Variants in DGKI observed in about 807,000 individuals in gnomAD.
DGKI encodes diacylglycerol kinase iota.
A neutral mutation model predicts 147.5 loss-of-function variants in DGKI; 55 were observed. That is an observed-to-expected ratio of 0.37 (90% CI 0.30 to 0.47). The LOEUF (loss-of-function observed/expected upper bound fraction) is 0.47. DGKI is among the 20% of genes least tolerant of loss of function. DGKI has a pLI of 1.00. For synonymous variants in DGKI, 469 were observed against 477.1 expected (o/e 0.98, Z 0.22); for missense variants, 1,007 against 1,323.8 (o/e 0.76, Z 3.71).
At chr7:137,812,995 G>A (rs1245107020) in intron 1 of DGKI, among the ~76,000 whole-genome samples, 2 of 152,230 alleles carry the variant, frequency 1.3e-5, no homozygotes, top group African/African-American at 2.4e-5. Context: ...GAAGTCAACA[G>A]AGCAGAGCCC....
intron 5 of DGKI, among the ~76,000 whole-genome samples, chr7:137,650,864 A>G (rs1822000899): frequency 6.6e-6 from 1 of 152,254 alleles, no homozygotes; most frequent in South Asian, 2.1e-4. Context: ...CCTAACTGTA[A>G]GAAACAGTCA....
intron 10 of DGKI, among the ~76,000 whole-genome samples, chr7:137,603,980 C>CT (rs887922520): frequency 2.0e-5 from 3 of 152,106 alleles, no homozygotes; most frequent in Non-Finnish European, 4.4e-5. Context: ...TTCAGACCAG[C>CT]TTTTTTTTCT....
chr7:137,410,633 T>TA (rs1233118296), intron 29 of DGKI, among the ~76,000 whole-genome samples: 2 of 152,198 alleles, frequency 1.3e-5, no homozygotes, highest in African/African-American at 4.8e-5. Context: ...AAAAGTGTGA[T>TA]AATAAACTCA....
intron 19 of DGKI, among the ~76,000 whole-genome samples, chr7:137,557,755 C>A (rs947974961): frequency 6.6e-6 from 1 of 152,172 alleles, no homozygotes; most frequent in African/African-American, 2.4e-5. Flanking sequence ...GCAGCCCTCA[C>A]TGAGGCTCCA....
At chr7:137,841,690 G>A (rs1798547962) in intron 1 of DGKI, among the ~76,000 whole-genome samples, 1 of 152,180 alleles carries the variant, frequency 6.6e-6, no homozygotes, top group South Asian at 2.1e-4. Flanking sequence ...GGGTTGTGTA[G>A]GGAACATGTT....
chr7:137,642,928 T>TTGTGTG lies in DGKI; in HGVS notation c.804+2543_804+2544insCACACA, dbSNP rs1211795511. 5.0e-4 allele frequency among the ~76,000 whole-genome samples: 23 copies of TTGTGTG among 46,192 alleles called. 1 individual carries two copies. The highest frequency in any genetic ancestry group is 3.8e-3 in the South Asian group (4 of 1,048). 30.3% of individuals were successfully genotyped at this position (46,192 alleles called of 152,430 possible). ...CCATCCCAATGAGTAAATTATGGAA[T>TTGTGTG]AGTGTGTGTGTGTGTGTGTGTGTGT... On this transcript the variant is annotated intron_variant, in intron 6 of 32. Coordinates refer to ENST00000614521, the MANE Select transcript of DGKI (RefSeq NM_001321708.2).
At chr7:137,717,032 T>C (rs1246295641) in intron 1 of DGKI, among the ~76,000 whole-genome samples, 1 of 152,220 alleles carries the variant, frequency 6.6e-6, no homozygotes, top group Non-Finnish European at 1.5e-5. Context: ...ACTTGTACTA[T>C]ATGGTAAACT....
At chr7:137,552,597 A>G (rs756593115) in intron 19 of DGKI, 29 bp from the exon 20 acceptor site, 1 of 1,611,164 alleles carries the variant, frequency 6.2e-7, no homozygotes, top group East Asian at 2.2e-5. Flanking sequence ...AAGGGGAGCA[A>G]GGAGTTAGTT....
At chr7:137,801,958 C>A (rs1382581220) in intron 1 of DGKI, among the ~76,000 whole-genome samples, 1 of 152,088 alleles carries the variant, frequency 6.6e-6, no homozygotes, top group African/African-American at 2.4e-5. Context: ...TTCATAGCAG[C>A]ACAATTGGCA....
chr7:137,682,826 C>T (rs1416052620), intron 2 of DGKI, among the ~76,000 whole-genome samples: 1 of 152,142 alleles, frequency 6.6e-6, no homozygotes, highest in Non-Finnish European at 1.5e-5. Context: ...GGAAGTCAGG[C>T]TTTTGGAATC....
chr7:137,619,627 G>A (rs938638010), intron 8 of DGKI, among the ~76,000 whole-genome samples, 197 bp downstream of exon 8: 2 of 152,160 alleles, frequency 1.3e-5, no homozygotes, highest in Admixed American at 1.3e-4. Flanking sequence ...TTAGGATGGG[G>A]AGGCTGGTTC....
rs1811344441 is a variant in DGKI, at chr7:137,391,112, G to C, written c.*108C>G. On this transcript the variant is annotated 3_prime_UTR_variant, in exon 33 of 33. Transcript: ENST00000614521. ...TGGTCTCAGGTAGATTCTTGCAGGA[G>C]AGAGACAGATATATGAATTCCATCA... The C allele has an allele frequency of 1.1e-6, 1 of 873,638 alleles. No individual in the cohort carries two copies. The highest frequency in any genetic ancestry group is 1.6e-5 in the African/African-American group (1 of 60,766). The allele number at this position is 873,638 out of a possible 1,614,324, so 54.1% of individuals were successfully genotyped here. A position where few individuals can be genotyped will look rare whatever the true frequency, so the allele number is the denominator to read the frequency against.
intron 6 of DGKI, among the ~76,000 whole-genome samples, chr7:137,644,993 C>A (rs1161141144): frequency 6.6e-6 from 1 of 152,160 alleles, no homozygotes; most frequent in African/African-American, 2.4e-5. Flanking sequence ...TATAAATAAC[C>A]ACAAATAAAA....
chr7:137,512,890 G>C (rs528704383), intron 21 of DGKI, among the ~76,000 whole-genome samples: 1 of 152,152 alleles, frequency 6.6e-6, no homozygotes, highest in Admixed American at 6.6e-5. Context: ...TATTCCCCGG[G>C]TATCAGAGTC....
At chr7:137,437,021 C>T (rs1813311644) in intron 28 of DGKI, among the ~76,000 whole-genome samples, 1 of 152,172 alleles carries the variant, frequency 6.6e-6, no homozygotes, top group Non-Finnish European at 1.5e-5. Flanking sequence ...CTGTCACCTG[C>T]ATCATGACCA....
intron 12 of DGKI, among the ~76,000 whole-genome samples, chr7:137,597,452 TA>T (rs113622672): frequency 5.1e-4 from 75 of 146,442 alleles, no homozygotes; most frequent in South Asian, 6.5e-4. Flanking sequence ...TTCCCACTAG[TA>T]AAAAAAAAAA....
At chr7:137,445,869 T>G (rs1351641610) in intron 27 of DGKI, among the ~76,000 whole-genome samples, 1 of 152,092 alleles carries the variant, frequency 6.6e-6, no homozygotes, top group Admixed American at 6.5e-5. Context: ...CTGCCTCCAT[T>G]ATTATTAAAA....
intron 27 of DGKI, among the ~76,000 whole-genome samples, chr7:137,458,473 T>C (rs958968194): frequency 1.3e-5 from 2 of 152,132 alleles, no homozygotes; most frequent in Non-Finnish European, 2.9e-5. Context: ...AAAGTACAAC[T>C]CTTTCAGTCA....
intron 1 of DGKI, among the ~76,000 whole-genome samples, chr7:137,725,279 G>A (rs1794687300): frequency 6.6e-6 from 1 of 152,128 alleles, no homozygotes; most frequent in African/African-American, 2.4e-5. Context: ...ATCATCTGTA[G>A]CTTCAGAAGT....
Sources: gnomAD v4.1 joint callset for allele counts (sites outside exome capture counted in the v4.1 genomes callset) on GRCh38, gnomAD v4.1.1 for gene constraint, MANE v1.5 for transcripts, NCBI Gene and HGNC (gene_info 2026-07-23, HGNC 2026-07-21) for gene names.